The following ANKFN1 variants were observed in gnomAD, a reference collection of about 807,000 sequenced individuals.
The protein encoded by ANKFN1 is ankyrin repeat and fibronectin type III domain containing 1, also known as ankyrin repeat and fibronectin type-III domain-containing protein 1.
ANKFN1 carries 74 observed loss-of-function variants against 108.7 expected under a neutral mutation model. The observed-to-expected ratio is 0.68, with a 90% CI of 0.56 to 0.83. The LOEUF is 0.83. Ranked by LOEUF, ANKFN1 falls within the 40% of genes least tolerant of loss-of-function variation. ANKFN1 has a pLI of 0.00. For missense variants in ANKFN1, 1,505 were observed against 1,382.3 expected (o/e 1.09, Z -1.41); for synonymous variants, 547 against 516.2 (o/e 1.06, Z -0.81).
chr17:56,500,337 G>C (rs1334851062), intron 20 of ANKFN1, among the ~76,000 whole-genome samples: 1 of 152,164 alleles, frequency 6.6e-6, no homozygotes, highest in Non-Finnish European at 1.5e-5. Flanking sequence ...AACTTGGCAA[G>C]TGGAAGAACT....
intron 3 of ANKFN1, among the ~76,000 whole-genome samples, chr17:56,248,473 T>G (rs538512515): frequency 2.1e-4 from 32 of 152,252 alleles, no homozygotes; most frequent in Admixed American, 3.9e-4. Flanking sequence ...ACTATGTTCC[T>G]AATGTATATT....
At chr17:56,353,779 G>C (rs926535076) in intron 5 of ANKFN1, 57 bp from the exon 6 acceptor site, 77 of 1,514,582 alleles carry the variant, frequency 5.1e-5, no homozygotes, top group Non-Finnish European at 6.7e-5. Context: ...AAAGAGCTAA[G>C]CTACAAAGAC....
chr17:56,289,382 C>T (rs758686231), intron 3 of ANKFN1, among the ~76,000 whole-genome samples: 2 of 152,126 alleles, frequency 1.3e-5, no homozygotes, highest in Non-Finnish European at 2.9e-5. Context: ...TCTAATTCTG[C>T]TTCCAAGGCC....
chr17:56,451,479 A>T (rs1336780359), intron 11 of ANKFN1, among the ~76,000 whole-genome samples: 2 of 152,234 alleles, frequency 1.3e-5, no homozygotes, highest in East Asian at 3.8e-4. Flanking sequence ...ATTTTTATTT[A>T]AAATATTCAA....
chr17:56,171,562 A>G (rs1567816630), intron 1 of ANKFN1, among the ~76,000 whole-genome samples: 1 of 152,188 alleles, frequency 6.6e-6, no homozygotes, highest in Non-Finnish European at 1.5e-5. Context: ...CATTTTCCAT[A>G]AACAGCGTGG....
intron 14 of ANKFN1, among the ~76,000 whole-genome samples, chr17:56,461,667 T>A (rs2049906888): frequency 6.6e-6 from 1 of 152,022 alleles, no homozygotes; most frequent in South Asian, 2.1e-4. Flanking sequence ...AATCCCAGAG[T>A]TTATTACTTG....
Position 56,510,660 on chromosome 17 carries a change from C to G in ANKFN1, c.2832C>G (p.Asp944Glu), listed in dbSNP as rs996720759. Residue 944 changes from aspartate to glutamate, a missense_variant, in exon 21 of 21, where the codon GAC (aspartate) becomes GAG (glutamate). By Grantham distance (45) the Asp-to-Glu change is conservative. Transcript: ENST00000682825. ...CCCCCGACGTCCTGCAAGTGCACGACGTGAAAACCCCTCTGGGGCCGGGCC... is the reference window on the plus strand; with the variant it reads ...CCCCCGACGTCCTGCAAGTGCACGAGGTGAAAACCCCTCTGGGGCCGGGCC... ...GSAPDVLQVH[D>E]VKTPLGPGQD... 1.1e-5 allele frequency: 17 copies of G among 1,536,040 alleles called. No individual in the cohort carries two copies. Among genetic ancestry groups the G allele is most frequent in the Non-Finnish European group, 1.1e-5 (13 of 1,146,920 alleles).
chr17:56,210,671 A>G (rs1377549449), intron 1 of ANKFN1, among the ~76,000 whole-genome samples: 1 of 152,162 alleles, frequency 6.6e-6, no homozygotes, highest in Admixed American at 6.5e-5. Context: ...AGATTAGGTA[A>G]TTTATAAAGA....
intron 4 of ANKFN1, among the ~76,000 whole-genome samples, chr17:56,078,564 C>T (rs1905208233): frequency 6.6e-6 from 1 of 152,156 alleles, no homozygotes; most frequent in Non-Finnish European, 1.5e-5. Context: ...GTTGTTTGTG[C>T]ATGTCAGATT....
intron 8 of ANKFN1, among the ~76,000 whole-genome samples, chr17:56,389,024 A>C (rs1192926794): frequency 6.6e-6 from 1 of 152,094 alleles, no homozygotes; most frequent in Non-Finnish European, 1.5e-5. Flanking sequence ...AAAAAAAAAA[A>C]ACTAAACATG....
intron 8 of ANKFN1, among the ~76,000 whole-genome samples, chr17:56,426,576 C>T (rs888133939): frequency 6.6e-6 from 1 of 152,104 alleles, no homozygotes; most frequent in Admixed American, 6.6e-5. Flanking sequence ...TACATACAAG[C>T]AGATATGGAG....
intron 4 of ANKFN1, among the ~76,000 whole-genome samples, chr17:56,126,059 C>T (rs531231839): frequency 6.6e-6 from 1 of 152,226 alleles, no homozygotes; most frequent in Admixed American, 6.5e-5. Flanking sequence ...GTGTGGGGAA[C>T]GAGGATCCCA....
chr17:56,272,639 G>C (rs2043821815), intron 3 of ANKFN1, among the ~76,000 whole-genome samples: 1 of 152,156 alleles, frequency 6.6e-6, no homozygotes, highest in African/African-American at 2.4e-5. Flanking sequence ...TATGAAGATG[G>C]GTTGCTATGA....
At chr17:56,379,157 G>A (rs1316891246) in intron 8 of ANKFN1, among the ~76,000 whole-genome samples, 2 of 152,106 alleles carry the variant, frequency 1.3e-5, no homozygotes, top group African/African-American at 4.8e-5. Flanking sequence ...CCAGCACTTT[G>A]GGAGGCCAAG....
At chr17:56,282,230 T>C (rs2044101617) in intron 3 of ANKFN1, among the ~76,000 whole-genome samples, 1 of 152,110 alleles carries the variant, frequency 6.6e-6, no homozygotes, top group African/African-American at 2.4e-5. Context: ...AAAGTATGCA[T>C]ACAGTATGAG....
rs73991564 is a variant in ANKFN1, at chr17:56,516,774, G to A, written c.*5505G>A. ...TTGGTAATTTCTTACCTGCCTAAGTGTATTTTCAAGAAAAATTGTCGACAG... is the reference window on the plus strand; with the variant it reads ...TTGGTAATTTCTTACCTGCCTAAGTATATTTTCAAGAAAAATTGTCGACAG... On this transcript the variant is annotated 3_prime_UTR_variant, in exon 21 of 21. Transcript: ENST00000682825. 0.11 allele frequency among the ~76,000 whole-genome samples: 16,651 copies of A among 152,116 alleles called. 1,017 individuals carry two copies. Among genetic ancestry groups the A allele is most frequent in the African/African-American group, 0.16 (6,585 of 41,502 alleles).
rs754196150 is a variant in ANKFN1, at chr17:56,510,895, G to A, written c.3067G>A (p.Glu1023Lys). 16 of 1,536,168 alleles carry A rather than the reference G, an allele frequency of 1.0e-5. No individual in the cohort carries two copies. The highest frequency in any genetic ancestry group is 2.4e-5 in the East Asian group (1 of 40,898). Residue 1023 changes from glutamate (E) to lysine (K), a missense_variant, in exon 21 of 21, where the codon GAG (glutamate) becomes AAG (lysine). Transcript: ENST00000682825. ...RHHRWLRIHS[E>K]TQSLSLSEGI... Reference sequence around the variant, plus strand: ...TCATCGCTGGTTGCGCATCCACAGCGAGACCCAGTCGCTATCGCTCTCTGA... The same window carrying A: ...TCATCGCTGGTTGCGCATCCACAGCAAGACCCAGTCGCTATCGCTCTCTGA...
chr17:56,189,674 A>AAGTTTATCTG (rs1484727389), intron 1 of ANKFN1, among the ~76,000 whole-genome samples: 2 of 152,014 alleles, frequency 1.3e-5, no homozygotes. Flanking sequence ...AGCTCCAAAA[A>AAGTTTATCTG]CACTATCTGC....
At chr17:56,408,611 T>A (rs1020759980) in intron 8 of ANKFN1, among the ~76,000 whole-genome samples, 1 of 152,340 alleles carries the variant, frequency 6.6e-6, no homozygotes, top group Non-Finnish European at 1.5e-5. Flanking sequence ...TGGTCAGAGA[T>A]ACTAAGGTTA....
Sources: allele counts gnomAD v4.1 joint callset (sites outside exome capture counted in the v4.1 genomes callset), GRCh38; gene constraint gnomAD v4.1.1; transcripts MANE v1.5; gene names NCBI Gene and HGNC (gene_info 2026-07-23, HGNC 2026-07-21).